Variants in RERE observed in about 807,000 individuals in gnomAD.
The protein encoded by RERE is arginine-glutamic acid dipeptide repeats protein.
RERE carries 40 observed loss-of-function variants against 146.1 expected under a neutral mutation model. That is an observed-to-expected ratio of 0.27 (90% CI 0.21 to 0.36). The LOEUF (loss-of-function observed/expected upper bound fraction) is 0.36, where lower values mean the gene tolerates loss of function less well. RERE is among the 10% of genes least tolerant of loss of function. RERE has a pLI of 1.00. For synonymous variants in RERE, 1,003 were observed against 866.0 expected, an observed-to-expected ratio of 1.16 and a Z score of -2.78; for missense variants, 1,933 against 2,138.7, an observed-to-expected ratio of 0.90 and a Z score of 1.90.
At chr1:8,692,301 C>T (rs1221396888) in intron 1 of RERE, among the ~76,000 whole-genome samples, 4 of 151,906 alleles carry the variant, frequency 2.6e-5, no homozygotes, top group South Asian at 2.1e-4. Flanking sequence ...GTATATAAAA[C>T]GGTATAGTAT....
At chr1:8,452,903 C>T (rs1177299115) in intron 11 of RERE, among the ~76,000 whole-genome samples, 1 of 152,298 alleles carries the variant, frequency 6.6e-6, no homozygotes, top group African/African-American at 2.4e-5. Flanking sequence ...TGCCCATCTT[C>T]GTAACGGAAT....
chr1:8,761,669 G>A (rs1198955000), intron 1 of RERE, among the ~76,000 whole-genome samples: 1 of 152,148 alleles, frequency 6.6e-6, no homozygotes, highest in Non-Finnish European at 1.5e-5. Context: ...TGTAATCCCA[G>A]CATTTTGGGA....
intron 11 of RERE, among the ~76,000 whole-genome samples, chr1:8,455,806 G>C (rs913030518): frequency 1.3e-5 from 2 of 152,180 alleles, no homozygotes; most frequent in Non-Finnish European, 2.9e-5. Context: ...TTTGTGTGGA[G>C]GCACCTAAAT....
intron 11 of RERE, among the ~76,000 whole-genome samples, chr1:8,461,712 C>T (rs1644528949): frequency 6.6e-6 from 1 of 151,934 alleles, no homozygotes; most frequent in South Asian, 2.1e-4. Flanking sequence ...CTAAGATCTC[C>T]AGAATTCATG....
intron 11 of RERE, among the ~76,000 whole-genome samples, chr1:8,443,063 C>T (rs1197917465): frequency 6.6e-6 from 1 of 152,182 alleles, no homozygotes; most frequent in Non-Finnish European, 1.5e-5. Flanking sequence ...ACTAGCTTAA[C>T]TCAAATGTGG....
chr1:8,521,709 G>A (rs1046999197), intron 7 of RERE, among the ~76,000 whole-genome samples: 8 of 152,126 alleles, frequency 5.3e-5, no homozygotes, highest in Non-Finnish European at 1.0e-4. Context: ...GGAACCTGTC[G>A]AATGTCACCG....
intron 1 of RERE, among the ~76,000 whole-genome samples, chr1:8,677,451 AAAG>A (rs1165059913): frequency 2.0e-5 from 3 of 150,908 alleles, no homozygotes; most frequent in Non-Finnish European, 4.4e-5. Flanking sequence ...GAAAGAAAGA[AAAG>A]AAAAAAAAAA....
chr1:8,497,677 T>C, intron 8 of RERE, 148 bp from the exon 9 acceptor site: 1 of 783,596 alleles, frequency 1.3e-6, no homozygotes, highest in Non-Finnish European at 2.0e-6. Context: ...CCATGAGTCA[T>C]TTAAACTGAC....
intron 12 of RERE, among the ~76,000 whole-genome samples, chr1:8,399,290 C>A (rs868058956): frequency 1.4e-4 from 21 of 152,194 alleles, no homozygotes; most frequent in South Asian, 4.1e-4. Flanking sequence ...ATAAACCCTT[C>A]CCTACTCAGG....
At chr1:8,362,228 T>C (rs1641607297) in intron 16 of RERE, among the ~76,000 whole-genome samples, 1 of 152,336 alleles carries the variant, frequency 6.6e-6, no homozygotes, top group South Asian at 2.1e-4. Context: ...TGCATTTACA[T>C]TGCACTGGGC....
chr1:8,485,339 G>A (rs1644885336), intron 10 of RERE, among the ~76,000 whole-genome samples: 1 of 151,920 alleles, frequency 6.6e-6, no homozygotes. Flanking sequence ...CCAGCCTGGG[G>A]AACAACAGCG....
At chr1:8,767,672 C>T (rs1363829632) in intron 1 of RERE, among the ~76,000 whole-genome samples, 1 of 117,872 alleles carries the variant, frequency 8.5e-6, no homozygotes, top group East Asian at 3.5e-4. Flanking sequence ...AAATAAAAAG[C>T]TTTCTTTATT....
intron 12 of RERE, among the ~76,000 whole-genome samples, chr1:8,417,679 ACTTCT>A (rs1247176284): frequency 2.0e-5 from 3 of 152,178 alleles, no homozygotes; most frequent in Non-Finnish European, 4.4e-5. Flanking sequence ...CACAGCCCTC[ACTTCT>A]CTTCTTAAAA....
intron 8 of RERE, among the ~76,000 whole-genome samples, chr1:8,501,228 GGCCGGCCGCCCCGTCCGGGAGGT>G (rs1645146290): frequency 7.8e-6 from 1 of 128,358 alleles, no homozygotes; most frequent in Non-Finnish European, 1.7e-5. Context: ...CCCCCCGCCC[GGCCGGCCGCCCCGTCCGGGAGGT>G]GAGGGGCGCC....
intron 8 of RERE, among the ~76,000 whole-genome samples, chr1:8,506,132 A>G (rs1645246987): frequency 6.6e-6 from 1 of 152,324 alleles, no homozygotes; most frequent in Non-Finnish European, 1.5e-5. Flanking sequence ...AGTGAGAGGG[A>G]AAAAATGGGT....
chr1:8,525,725 A>C, intron 7 of RERE: 1 of 1,572,094 alleles, frequency 6.4e-7, no homozygotes, highest in Non-Finnish European at 8.6e-7. Context: ...AAAACCCATC[A>C]CTGTTTCGGT....
chr1:8,787,844 A>AG (rs1569797827), intron 1 of RERE, among the ~76,000 whole-genome samples: 1 of 151,790 alleles, frequency 6.6e-6, no homozygotes, highest in East Asian at 1.9e-4. Context: ...AAAAAAAAAA[A>AG]AAAAATGTGC....
chr1:8,361,690 T>G, intron 17 of RERE, 73 bp downstream of exon 17: 3 of 1,428,500 alleles, frequency 2.1e-6, no homozygotes, highest in Admixed American at 1.7e-5. Context: ...GGCCACCAAC[T>G]AGGGAGAACC....
chr1:8,381,987 C>T (rs1005771239), intron 12 of RERE, among the ~76,000 whole-genome samples: 11 of 152,214 alleles, frequency 7.2e-5, no homozygotes, highest in Non-Finnish European at 1.3e-4. Flanking sequence ...TCTCATTTCA[C>T]GCTGTGAGAA....
Sources: allele counts gnomAD v4.1 joint callset (sites outside exome capture counted in the v4.1 genomes callset), GRCh38; gene constraint gnomAD v4.1.1; transcripts MANE v1.5; gene names NCBI Gene and HGNC (gene_info 2026-07-23, HGNC 2026-07-21).